The following PIK3CB variants were observed in gnomAD, a reference collection of about 807,000 sequenced individuals.
PIK3CB encodes phosphatidylinositol-4,5-bisphosphate 3-kinase catalytic subunit beta, also known as phosphatidylinositol 4,5-bisphosphate 3-kinase catalytic subunit beta isoform.
Under a neutral mutation model 136.8 loss-of-function variants are expected in PIK3CB, and 39 were observed. That is an observed-to-expected ratio of 0.29 (90% CI 0.22 to 0.37). The LOEUF is 0.37. Among genes scored for constraint, PIK3CB ranks in the 10% least tolerant of loss-of-function variants. The pLI, the probability that PIK3CB is intolerant of heterozygous loss-of-function variation, is 1.00. For synonymous variants in PIK3CB, 428 were observed against 436.6 expected (o/e 0.98, Z 0.25); for missense variants, 868 against 1,275.4 (o/e 0.68, Z 4.87).
At chr3:138,660,386 CAATAT>C (rs1336900854) in intron 21 of PIK3CB, among the ~76,000 whole-genome samples, 1 of 152,130 alleles carries the variant, frequency 6.6e-6, no homozygotes, top group Non-Finnish European at 1.5e-5. Context: ...TTTAAAGATA[CAATAT>C]ATTTTTTTGC....
intron 10 of PIK3CB, among the ~76,000 whole-genome samples, chr3:138,708,532 A>C (rs2044427542): frequency 6.6e-6 from 1 of 151,702 alleles, no homozygotes; most frequent in Non-Finnish European, 1.5e-5. Flanking sequence ...AAGTGCTGGA[A>C]TTACAGGTGT....
chr3:138,815,394 A>G (rs966183365), intron 1 of PIK3CB, among the ~76,000 whole-genome samples: 2 of 145,396 alleles, frequency 1.4e-5, no homozygotes, highest in Non-Finnish European at 3.0e-5. Context: ...AACCATAACA[A>G]AAGATTACAA....
intron 21 of PIK3CB, among the ~76,000 whole-genome samples, chr3:138,660,392 A>AT (rs888534766): frequency 6.6e-6 from 1 of 152,114 alleles, no homozygotes; most frequent in Non-Finnish European, 1.5e-5. Context: ...GATACAATAT[A>AT]TTTTTTTGCT....
rs1223023631 is a variant in PIK3CB at position 138,749,527 on chromosome 3, G to A, written c.397+6227C>T. 2.0e-5 allele frequency among the ~76,000 whole-genome samples: 3 copies of A among 152,138 alleles called. No homozygotes were observed. In the East Asian group the frequency reaches 5.8e-4, roughly 29 times the overall value. On this transcript the variant is annotated intron_variant, in intron 4 of 23. Coordinates refer to ENST00000674063, the MANE Select transcript of PIK3CB (RefSeq NM_006219.3). ...CTTCCCAAGTGTTCTTAGTAGTAAA[G>A]CTCTACTTTTTACATGGCCTGGATG...
At chr3:138,702,069 G>T (rs574904958) in intron 12 of PIK3CB, among the ~76,000 whole-genome samples, 5 of 150,636 alleles carry the variant, frequency 3.3e-5, no homozygotes, top group African/African-American at 7.3e-5. Flanking sequence ...AGGTAGGTGG[G>T]AGTCACAGAG....
At chr3:138,734,520 T>C (rs1172847218) in intron 7 of PIK3CB, 114 bp downstream of exon 7, 4 of 642,800 alleles carry the variant, frequency 6.2e-6, no homozygotes, top group Admixed American at 3.0e-5. Flanking sequence ...TTGGCAAATA[T>C]GTATTGGTTT....
At chr3:138,745,905 T>C (rs2045345728) in intron 4 of PIK3CB, among the ~76,000 whole-genome samples, 1 of 152,154 alleles carries the variant, frequency 6.6e-6, no homozygotes, top group African/African-American at 2.4e-5. Context: ...ATAAATGACC[T>C]TTGTGGCATT....
intron 19 of PIK3CB, among the ~76,000 whole-genome samples, chr3:138,679,208 T>C (rs1013050435): frequency 1.3e-5 from 2 of 152,188 alleles, no homozygotes; most frequent in East Asian, 3.9e-4. Flanking sequence ...AAATCAAAAC[T>C]GAAGTTTAAT....
rs367706690 is a variant in PIK3CB, at chr3:138,811,045, A to G, written c.-121-14478T>C. 3.3e-5 allele frequency among the ~76,000 whole-genome samples: 5 copies of G among 151,712 alleles called. No homozygotes were observed. In the East Asian group the frequency reaches 9.7e-4, roughly 29 times the overall value. Reference sequence around the variant, plus strand: ...CGTTTGACACCAGCCTGGTCAACGTAGCGAAATTCTGTTCCTACTAAAAAT... The same window carrying G: ...CGTTTGACACCAGCCTGGTCAACGTGGCGAAATTCTGTTCCTACTAAAAAT... On this transcript the variant is annotated intron_variant, in intron 1 of 23. Transcript: ENST00000674063.
chr3:138,766,928 A>G (rs2108753565), intron 2 of PIK3CB, among the ~76,000 whole-genome samples: 1 of 152,338 alleles, frequency 6.6e-6, no homozygotes, highest in South Asian at 2.1e-4. Context: ...AAACACTCTA[A>G]GGAGATATAT....
At chr3:138,803,159 T>G (rs1217342775) in intron 1 of PIK3CB, among the ~76,000 whole-genome samples, 1 of 152,160 alleles carries the variant, frequency 6.6e-6, no homozygotes, top group Admixed American at 6.6e-5. Context: ...ACTGCTCCAG[T>G]CTTCCACCAG....
intron 16 of PIK3CB, 45 bp downstream of exon 16, chr3:138,688,830 G>C: frequency 8.6e-7 from 1 of 1,168,444 alleles, no homozygotes; most frequent in Middle Eastern, 1.9e-4. Context: ...TTTAAACGTT[G>C]TCTGTCAAAA....
chr3:138,822,382 C>T (rs965827213), intron 1 of PIK3CB, among the ~76,000 whole-genome samples: 7 of 151,608 alleles, frequency 4.6e-5, no homozygotes, highest in Admixed American at 4.0e-4. Flanking sequence ...CCTGTCTCTA[C>T]TAAAAAATAC....
chr3:138,732,019 A>G (rs1431707637), intron 8 of PIK3CB, among the ~76,000 whole-genome samples: 1 of 152,124 alleles, frequency 6.6e-6, no homozygotes, highest in Non-Finnish European at 1.5e-5. Context: ...AGGATATAAA[A>G]GCAAAGCCTT....
rs557586198 is a variant in PIK3CB, at chr3:138,755,748, A to C, written c.397+6T>G. 7.3e-7 allele frequency: 1 copy of C among 1,363,582 alleles called. No homozygotes were observed. Among genetic ancestry groups the C allele is most frequent in the African/African-American group, 1.5e-5 (1 of 68,828 alleles). 84.5% of individuals were successfully genotyped at this position (1,363,582 alleles called of 1,614,324 possible). A position where few individuals can be genotyped will look rare whatever the true frequency, so the allele number is the denominator to read the frequency against. The stretch of plus-strand genomic sequence containing the variant: ...ATTTGTACTTTTTTTTTATTTTTTA[A>C]TTTACCTTTTCCTATAAGGACTCCA... On this transcript the variant is annotated splice_donor_region_variant and intron_variant, in intron 4 of 23. Coordinates refer to ENST00000674063, the MANE Select transcript of PIK3CB (RefSeq NM_006219.3).
intron 14 of PIK3CB, 79 bp from the exon 15 acceptor site, chr3:138,691,222 G>A: frequency 7.5e-7 from 1 of 1,328,248 alleles, no homozygotes; most frequent in Non-Finnish European, 1.1e-6. Flanking sequence ...ACTATCAAAT[G>A]TGAACTTGTT....
chr3:138,783,131 C>T (rs570422784), intron 2 of PIK3CB, among the ~76,000 whole-genome samples: 187 of 152,332 alleles, frequency 1.2e-3, no homozygotes, highest in Non-Finnish European at 2.4e-3. Flanking sequence ...CATTACTCTG[C>T]ACAATGCATT....
intron 3 of PIK3CB, among the ~76,000 whole-genome samples, chr3:138,758,598 A>C (rs2045614492): frequency 6.6e-6 from 1 of 152,212 alleles, no homozygotes; most frequent in Non-Finnish European, 1.5e-5. Flanking sequence ...AAAGGAGTTA[A>C]GAGGCTTGTC....
intron 19 of PIK3CB, among the ~76,000 whole-genome samples, chr3:138,674,119 C>G (rs983885631): frequency 6.6e-5 from 10 of 151,566 alleles, no homozygotes; most frequent in African/African-American, 2.4e-4. Context: ...TAGGTAATTA[C>G]ATGTCCATAT....
Sources: gnomAD v4.1 joint callset for allele counts (sites outside exome capture counted in the v4.1 genomes callset) on GRCh38, gnomAD v4.1.1 for gene constraint, MANE v1.5 for transcripts, NCBI Gene and HGNC (gene_info 2026-07-23, HGNC 2026-07-21) for gene names.